Variants in CAPN5 observed in about 807,000 individuals in gnomAD.
CAPN5 encodes the protein calpain 5.
In CAPN5, 54 loss-of-function variants were observed where a neutral mutation model predicts 73.0. That is an observed-to-expected ratio of 0.74 (90% CI 0.59 to 0.93). The LOEUF (loss-of-function observed/expected upper bound fraction) is 0.93, where lower values mean the gene tolerates loss of function less well. Ranked by LOEUF, CAPN5 falls within the 40% of genes least tolerant of loss-of-function variation. The pLI is 0.00. For synonymous variants in CAPN5, 335 were observed against 356.9 expected (o/e 0.94, Z 0.69); for missense variants, 785 against 882.9 (o/e 0.89, Z 1.41).
intron 3 of CAPN5, among the ~76,000 whole-genome samples, chr11:77,101,058 C>G (rs528238129): frequency 6.6e-6 from 1 of 152,378 alleles, no homozygotes; most frequent in Admixed American, 6.5e-5. Flanking sequence ...CCACCTTCCT[C>G]TTGGCCTTGG....
At position 77,103,343 on chromosome 11, in the gene CAPN5, A is replaced by G. The variant is rs782020379; in HGVS notation, c.298-9246A>G. The G allele has an allele frequency of 1.9e-6, 3 of 1,601,530 alleles. No homozygotes were observed. The South Asian group carries it at 3.3e-5, about 18-fold the overall frequency. On this transcript the variant is annotated intron_variant, in intron 3 of 12. Transcript: ENST00000648180. ...TTAACCAGCTCTGACAGCAGCTGCC[A>G]GCTGCTGCTCTCCTCTAGCCCACCT...
At chr11:77,101,152 ATCAT>A (rs1260403972) in intron 3 of CAPN5, among the ~76,000 whole-genome samples, 1 of 152,074 alleles carries the variant, frequency 6.6e-6, no homozygotes, top group African/African-American at 2.4e-5. Context: ...CATTCATTCG[ATCAT>A]TCGTTCATTC....
chr11:77,099,731 GA>G (rs1555038427), intron 3 of CAPN5, among the ~76,000 whole-genome samples: 1 of 148,432 alleles, frequency 6.7e-6, no homozygotes, highest in Non-Finnish European at 1.5e-5. Context: ...GGGAGACGGA[GA>G]GGGAGAGGGA....
chr11:77,070,151 A>C (rs1239560399), intron 1 of CAPN5, among the ~76,000 whole-genome samples: 2 of 152,080 alleles, frequency 1.3e-5, no homozygotes, highest in South Asian at 2.1e-4. Flanking sequence ...CAGGGACCCA[A>C]GTTTTCCCAG....
intron 1 of CAPN5, among the ~76,000 whole-genome samples, chr11:77,074,649 G>A (rs75833279): frequency 0.033 from 5,060 of 152,304 alleles, 283 homozygotes; most frequent in African/African-American, 0.12. Flanking sequence ...GTGGTGGGGG[G>A]TGTCTTCCCT....
chr11:77,067,723 C>A (rs1555032363), intron 1 of CAPN5, among the ~76,000 whole-genome samples: 1 of 147,314 alleles, frequency 6.8e-6, no homozygotes, highest in Non-Finnish European at 1.5e-5. Flanking sequence ...GTTTCTCAGA[C>A]CTCAGAGTTC....
rs559651935 is a variant in CAPN5, at chr11:77,076,438, A to C, written c.-35-8414A>C. On this transcript the variant is annotated intron_variant, in intron 1 of 12. Transcript: ENST00000648180. The stretch of plus-strand genomic sequence containing the variant: ...CACCATGTTACAATCAATCTCTTGA[A>C]CTTATAGATCTCTTGAACTTATTCC... 5.9e-5 allele frequency among the ~76,000 whole-genome samples: 9 copies of C among 152,318 alleles called. No individual in the cohort carries two copies. The East Asian group carries it at 1.2e-3, about 20-fold the overall frequency.
intron 2 of CAPN5, among the ~76,000 whole-genome samples, chr11:77,085,596 C>A (rs1259463920): frequency 6.6e-6 from 1 of 152,176 alleles, no homozygotes; most frequent in African/African-American, 2.4e-5. Flanking sequence ...CCACTCACAG[C>A]CTGGCAGCCA....
At chr11:77,089,424 C>T (rs1349296786) in intron 2 of CAPN5, among the ~76,000 whole-genome samples, 3 of 152,244 alleles carry the variant, frequency 2.0e-5, no homozygotes, top group African/African-American at 7.2e-5. Context: ...AGATCCCTGC[C>T]TGTGGGCAGA....
intron 2 of CAPN5, among the ~76,000 whole-genome samples, chr11:77,089,556 C>T (rs1950127912): frequency 6.6e-6 from 1 of 152,184 alleles, no homozygotes; most frequent in Non-Finnish European, 1.5e-5. Flanking sequence ...TGGGCTTCCC[C>T]AAACCCTTGG....
chr11:77,124,070 A>G lies in CAPN5; in HGVS notation c.*200A>G. ...CCGAAGCATTCCATTCTCGTGGAGG[A>G]GTTTCCTTGCTGAGATTTCAAATAG... On this transcript the variant is annotated 3_prime_UTR_variant, in exon 13 of 13. Transcript: ENST00000648180. The G allele has an allele frequency of 3.4e-6, 2 of 589,508 alleles. No individual in the cohort carries two copies. The highest frequency in any genetic ancestry group is 6.0e-6 in the Non-Finnish European group (2 of 334,366). 36.5% of individuals were successfully genotyped at this position (589,508 alleles called of 1,614,324 possible).
chr11:77,098,879 C>G, intron 3 of CAPN5, among the ~76,000 whole-genome samples: 1 of 137,330 alleles, frequency 7.3e-6, no homozygotes, highest in South Asian at 2.5e-4. Flanking sequence ...CGGAGACGCT[C>G]CTCACTTCCC....
intron 7 of CAPN5, among the ~76,000 whole-genome samples, chr11:77,116,858 G>C (rs1950473437): frequency 6.6e-6 from 1 of 152,240 alleles, no homozygotes. Flanking sequence ...ACGTGGCTCA[G>C]AGGTGAGAGA....
chr11:77,115,665 G>A, intron 6 of CAPN5, 77 bp downstream of exon 6: 1 of 1,215,746 alleles, frequency 8.2e-7, no homozygotes, highest in Non-Finnish European at 1.2e-6. Context: ...TGGAGGAGTT[G>A]GCACTGGGGC....
chr11:77,108,507 T>G (rs1223365013), intron 3 of CAPN5, among the ~76,000 whole-genome samples: 2 of 152,090 alleles, frequency 1.3e-5, no homozygotes, highest in Non-Finnish European at 2.9e-5. Flanking sequence ...GCTGAGAGCG[T>G]GGACTGCCGG....
At chr11:77,073,029 C>T (rs1949927215) in intron 1 of CAPN5, 1 of 1,252,072 alleles carries the variant, frequency 8.0e-7, no homozygotes, top group Non-Finnish European at 1.0e-6. Flanking sequence ...CACACAGCCC[C>T]CACCCCACCC....
chr11:77,107,965 C>G (rs1950368671), intron 3 of CAPN5, among the ~76,000 whole-genome samples: 1 of 152,174 alleles, frequency 6.6e-6, no homozygotes, highest in South Asian at 2.1e-4. Context: ...TATGAAAGAG[C>G]TCCAAGGCTG....
At chr11:77,105,709 C>T (rs2067792452) in intron 3 of CAPN5, among the ~76,000 whole-genome samples, 1 of 152,206 alleles carries the variant, frequency 6.6e-6, no homozygotes, top group African/African-American at 2.4e-5. Context: ...CTGTGAAGGT[C>T]CTTCCAGCCC....
chr11:77,101,442 A>G (rs1213133876), intron 3 of CAPN5, among the ~76,000 whole-genome samples: 1 of 152,214 alleles, frequency 6.6e-6, no homozygotes, highest in African/African-American at 2.4e-5. Flanking sequence ...TGTGAGGATC[A>G]GGCAGTTTGA....
Sources: allele counts gnomAD v4.1 joint callset (sites outside exome capture counted in the v4.1 genomes callset), GRCh38; gene constraint gnomAD v4.1.1; transcripts MANE v1.5; gene names NCBI Gene and HGNC (gene_info 2026-07-23, HGNC 2026-07-21).